ROBO1: variants seen among roughly 807,000 people sequenced by gnomAD.
ROBO1 encodes the protein roundabout homolog 1.
ROBO1 carries 149 observed loss-of-function variants against 195.9 expected under a neutral mutation model. The observed-to-expected ratio is 0.76, with a 90% CI of 0.67 to 0.87. The LOEUF is 0.87. Ranked by LOEUF, ROBO1 falls within the 40% of genes least tolerant of loss-of-function variation. ROBO1 has a pLI of 0.00. For synonymous variants in ROBO1, 816 were observed against 733.2 expected (o/e 1.11, Z -1.82); for missense variants, 1,933 against 2,068.3 (o/e 0.93, Z 1.27).
At chr3:79,081,099 C>G (rs754903826) in intron 3 of ROBO1, among the ~76,000 whole-genome samples, 1 of 151,938 alleles carries the variant, frequency 6.6e-6, no homozygotes, top group Non-Finnish European at 1.5e-5. Context: ...TGCCTGAAAA[C>G]CCATTCTTTT....
chr3:79,569,125 C>T (rs1451184106), intron 2 of ROBO1, among the ~76,000 whole-genome samples: 6 of 144,112 alleles, frequency 4.2e-5, no homozygotes, highest in South Asian at 2.2e-4. Context: ...CGTGCACACG[C>T]GCACACACAC....
chr3:79,723,178 G>A (rs1337299815), intron 1 of ROBO1, among the ~76,000 whole-genome samples: 1 of 152,142 alleles, frequency 6.6e-6, no homozygotes, highest in Non-Finnish European at 1.5e-5. Context: ...ATCGTACAAG[G>A]ATTGAACAGA....
At chr3:78,760,222 A>G (rs1297177559) in intron 4 of ROBO1, among the ~76,000 whole-genome samples, 3 of 152,114 alleles carry the variant, frequency 2.0e-5, no homozygotes, top group Non-Finnish European at 4.4e-5. Context: ...CATTAAACCT[A>G]TTTATTTTGT....
At chr3:79,403,254 G>A (rs1225638895) in intron 2 of ROBO1, among the ~76,000 whole-genome samples, 3 of 151,942 alleles carry the variant, frequency 2.0e-5, no homozygotes, top group Non-Finnish European at 4.4e-5. Context: ...CTACACTACT[G>A]TTAAGTCTGC....
At chr3:78,618,601 T>G (rs934956837) in intron 26 of ROBO1, among the ~76,000 whole-genome samples, 1 of 152,196 alleles carries the variant, frequency 6.6e-6, no homozygotes, top group African/African-American at 2.4e-5. Context: ...CTTTAGATTT[T>G]ATTCTATTAA....
At chr3:78,608,367 A>C (rs1703592444) in intron 28 of ROBO1, among the ~76,000 whole-genome samples, 1 of 152,064 alleles carries the variant, frequency 6.6e-6, no homozygotes, top group Non-Finnish European at 1.5e-5. Context: ...TGATCTCCTA[A>C]AGCACTGGGA....
intron 4 of ROBO1, among the ~76,000 whole-genome samples, chr3:78,779,298 C>T (rs919715913): frequency 2.0e-5 from 3 of 152,086 alleles, no homozygotes; most frequent in African/African-American, 4.8e-5. Flanking sequence ...GCAAAAGAAA[C>T]TATCATCAGA....
intron 4 of ROBO1, among the ~76,000 whole-genome samples, chr3:78,852,297 G>A (rs1187028435): frequency 6.6e-6 from 1 of 152,124 alleles, no homozygotes; most frequent in Non-Finnish European, 1.5e-5. Flanking sequence ...AACATATCTA[G>A]AGACTCCAAT....
intron 1 of ROBO1, among the ~76,000 whole-genome samples, chr3:79,626,851 G>A (rs1475363706): frequency 6.6e-6 from 1 of 151,954 alleles, no homozygotes; most frequent in African/African-American, 2.4e-5. Context: ...ATTCCTTTAT[G>A]CCAACAACAG....
In ROBO1 at chr3:78,734,539, C is replaced by T. The variant is rs975224520; in HGVS notation, c.657+12204G>A. Among the ~76,000 whole-genome samples the T allele has an allele frequency of 2.0e-4, 30 of 150,308 alleles. 1 individual carries two copies. Among genetic ancestry groups the T allele is most frequent in the African/African-American group, 7.4e-4 (30 of 40,742 alleles). On this transcript the variant is annotated intron_variant, in intron 5 of 30. Coordinates refer to ENST00000464233, the MANE Select transcript of ROBO1 (RefSeq NM_002941.4). ...TCACACCACAGCACTCCAGCCTGGA[C>T]GACAGAGAGATACCCTGTCTCAAAC...
At chr3:79,666,329 T>G (rs1311413218) in intron 1 of ROBO1, among the ~76,000 whole-genome samples, 1 of 151,988 alleles carries the variant, frequency 6.6e-6, no homozygotes, top group Non-Finnish European at 1.5e-5. Context: ...TGGTATAACT[T>G]GAACTCCTTC....
At chr3:78,860,131 G>A (rs919580829) in intron 4 of ROBO1, among the ~76,000 whole-genome samples, 1 of 131,716 alleles carries the variant, frequency 7.6e-6, no homozygotes, top group Non-Finnish European at 1.6e-5. Context: ...ACATAGGTAG[G>A]TAGATAGGTA....
At chr3:78,805,124 G>A (rs990804485) in intron 4 of ROBO1, among the ~76,000 whole-genome samples, 2 of 151,966 alleles carry the variant, frequency 1.3e-5, no homozygotes, top group Non-Finnish European at 2.9e-5. Flanking sequence ...ATCGGTGTTG[G>A]TCCTATCCTT....
At chr3:79,539,361 G>A (rs980805275) in intron 2 of ROBO1, among the ~76,000 whole-genome samples, 4 of 152,050 alleles carry the variant, frequency 2.6e-5, no homozygotes, top group Non-Finnish European at 4.4e-5. Context: ...AATGCAACAT[G>A]GAAGCACACA....
intron 22 of ROBO1, among the ~76,000 whole-genome samples, chr3:78,639,080 A>C (rs1705745821): frequency 2.6e-5 from 4 of 151,970 alleles, no homozygotes; most frequent in Admixed American, 2.6e-4. Context: ...CAGGAGGCGG[A>C]GGTTGCAGTG....
At chr3:79,074,504 G>A (rs2079139093) in intron 3 of ROBO1, among the ~76,000 whole-genome samples, 2 of 151,648 alleles carry the variant, frequency 1.3e-5, no homozygotes, top group African/African-American at 4.8e-5. Flanking sequence ...CTGTAGCCTT[G>A]ACCTCCTGGG....
At chr3:79,042,993 A>C (rs1576604185) in intron 3 of ROBO1, among the ~76,000 whole-genome samples, 1 of 152,148 alleles carries the variant, frequency 6.6e-6, no homozygotes, top group African/African-American at 2.4e-5. Flanking sequence ...TCATGATATA[A>C]AAACTGCCAA....
At chr3:78,961,086 A>C (rs1163016401) in intron 3 of ROBO1, among the ~76,000 whole-genome samples, 1 of 152,178 alleles carries the variant, frequency 6.6e-6, no homozygotes, top group Non-Finnish European at 1.5e-5. Context: ...TTTTAACTGC[A>C]ATTTACAGAA....
rs570236351 is a variant in ROBO1 at position 79,457,870 on chromosome 3, G to A, written c.88+131954C>T. Reference sequence around the variant, plus strand: ...GGGTATTTCTTCATAGCAATATGACGATGAACTAATAGAGAAGAAAGAAAG... The same window carrying A: ...GGGTATTTCTTCATAGCAATATGACAATGAACTAATAGAGAAGAAAGAAAG... On this transcript the variant is annotated intron_variant, in intron 2 of 30. Transcript: ENST00000464233. Among the ~76,000 whole-genome samples the A allele has an allele frequency of 1.8e-4, 27 of 152,132 alleles. 1 individual carries two copies. The East Asian group carries it at 3.7e-3, about 21-fold the overall frequency.
Sources: allele counts gnomAD v4.1 joint callset (sites outside exome capture counted in the v4.1 genomes callset), GRCh38; gene constraint gnomAD v4.1.1; transcripts MANE v1.5; gene names NCBI Gene and HGNC (gene_info 2026-07-23, HGNC 2026-07-21).